The following SCN2A variants were observed in gnomAD, a reference collection of about 807,000 sequenced individuals.
SCN2A encodes sodium voltage-gated channel alpha subunit 2.
SCN2A carries 20 observed loss-of-function variants against 188.7 expected under a neutral mutation model. That is an observed-to-expected ratio of 0.11 (90% confidence interval 0.07 to 0.15). SCN2A has a LOEUF of 0.15. SCN2A is among the 10% of genes least tolerant of loss of function. The pLI is 1.00. For missense variants in SCN2A, 1,278 were observed against 2,445.0 expected (o/e 0.52, Z 10.07); for synonymous variants, 804 against 833.1 (o/e 0.97, Z 0.60).
intron 1 of SCN2A, among the ~76,000 whole-genome samples, chr2:165,255,062 A>G (rs185711427): frequency 9.2e-5 from 14 of 151,832 alleles, no homozygotes; most frequent in Admixed American, 5.9e-4. Flanking sequence ...TTTGTGATCT[A>G]ATTTGGTACT....
chr2:165,245,353 A>G (rs1221823726), intron 1 of SCN2A: 1 of 152,026 alleles, frequency 6.6e-6, no homozygotes, highest in African/African-American at 2.4e-5. Flanking sequence ...TTTGCTTGAC[A>G]CTTCTCTGTC....
At chr2:165,371,788 C>T (rs1397973808) in intron 20 of SCN2A, 1 of 152,074 alleles carries the variant, frequency 6.6e-6, no homozygotes, top group African/African-American at 2.4e-5. Context: ...AGTGACAAGA[C>T]CTGCTTGTTC....
rs1177851285 is a variant in SCN2A at position 165,344,388 on chromosome 2, T to G, written c.2563-167T>G. Among the ~76,000 whole-genome samples, 5 of 151,920 alleles carry G rather than the reference T, an allele frequency of 3.3e-5. 1 individual carries two copies. On this transcript the variant is annotated intron_variant, in intron 15 of 26. Transcript: ENST00000375437. Reference sequence around the variant, plus strand: ...ATAAAATTACAGATTTTTCCCTTCCTGTGTCCATGTGACTAACCTGCACAT... The same window carrying G: ...ATAAAATTACAGATTTTTCCCTTCCGGTGTCCATGTGACTAACCTGCACAT...
intron 1 of SCN2A, chr2:165,290,599 A>G (rs1391149198): frequency 2.9e-5 from 5 of 174,056 alleles, no homozygotes; most frequent in Admixed American, 6.5e-5. Flanking sequence ...CATTTCATAA[A>G]TTTGTTTATT....
intron 19 of SCN2A, among the ~76,000 whole-genome samples, chr2:165,368,557 C>T (rs1240303033): frequency 6.6e-6 from 1 of 152,176 alleles, no homozygotes; most frequent in East Asian, 1.9e-4. Context: ...CTTCTTCACA[C>T]TGATTCGCTA....
At chr2:165,313,281 A>G (rs1450847103) in intron 8 of SCN2A, among the ~76,000 whole-genome samples, 1 of 152,088 alleles carries the variant, frequency 6.6e-6, no homozygotes, top group Non-Finnish European at 1.5e-5. Flanking sequence ...CTGCCTCAAG[A>G]CATCCTCAGT....
chr2:165,332,282 G>A (rs894987816), intron 14 of SCN2A, among the ~76,000 whole-genome samples: 6 of 151,702 alleles, frequency 4.0e-5, no homozygotes, highest in Non-Finnish European at 7.4e-5. Context: ...TAAATAATAC[G>A]GTCTAAAGTA....
In SCN2A at chr2:165,389,860, G is replaced by T; in HGVS notation, c.*36G>T. 1 of 1,559,878 alleles carries T rather than the reference G, an allele frequency of 6.4e-7. No individual in the cohort carries two copies. Among genetic ancestry groups the T allele is most frequent in the Non-Finnish European group, 8.7e-7 (1 of 1,154,220 alleles). On this transcript the variant is annotated 3_prime_UTR_variant, in exon 27 of 27. Coordinates refer to ENST00000375437, the MANE Select transcript of SCN2A (RefSeq NM_001040142.2). The surrounding 1 kb of genome is among the most constrained non-coding windows in gnomAD (Gnocchi z 4.2). ...AGAATTTTCCATTTTGTGATCAATT[G>T]TTTACAGCCCGTGATGGTGATGTGT...
chr2:165,309,126 T>C (rs753150536), intron 5 of SCN2A: 1 of 1,604,242 alleles, frequency 6.2e-7, no homozygotes, highest in South Asian at 1.1e-5. Context: ...AAGACGTAGA[T>C]TTCCCTAAAT....
chr2:165,321,158 G>T (rs1698058059), intron 11 of SCN2A, among the ~76,000 whole-genome samples: 1 of 152,086 alleles, frequency 6.6e-6, no homozygotes, highest in Non-Finnish European at 1.5e-5. Flanking sequence ...TCTAGGACAG[G>T]GCCAAAATGC....
intron 1 of SCN2A, among the ~76,000 whole-genome samples, chr2:165,261,979 A>C (rs1388324096): frequency 6.6e-6 from 1 of 152,180 alleles, no homozygotes; most frequent in Non-Finnish European, 1.5e-5. Flanking sequence ...AAAAGGGTGC[A>C]ATACAAACTA....
chr2:165,366,520 G>A (rs1700732480), intron 18 of SCN2A, among the ~76,000 whole-genome samples: 1 of 151,706 alleles, frequency 6.6e-6, no homozygotes, highest in African/African-American at 2.4e-5. Context: ...ATCACTTGAG[G>A]TCAGGAGTTC....
chr2:165,278,467 A>G (rs1428403947), intron 1 of SCN2A, among the ~76,000 whole-genome samples: 2 of 152,278 alleles, frequency 1.3e-5, no homozygotes, highest in South Asian at 4.1e-4. Context: ...CAGATTTTGT[A>G]AGAACTCACT....
intron 16 of SCN2A, among the ~76,000 whole-genome samples, chr2:165,345,261 GTT>G: frequency 6.6e-6 from 1 of 152,148 alleles, no homozygotes; most frequent in Non-Finnish European, 1.5e-5. Context: ...TTCAGATTTG[GTT>G]TTCTACAAAT....
rs1272467934 is a variant in SCN2A, at chr2:165,390,026, T to TG, written c.*205dup. ...CAGTAAACTGGAGAAATAGTATCGA[T>TG]GGGAGGTTTCTATTTTCACAACCAG... On this transcript the variant is annotated 3_prime_UTR_variant, in exon 27 of 27. Transcript: ENST00000375437. 6.3e-6 allele frequency: 5 copies of TG among 787,910 alleles called. No homozygotes were observed. In the East Asian group the frequency reaches 1.5e-4, roughly 23 times the overall value. 48.8% of individuals were successfully genotyped at this position (787,910 alleles called of 1,614,324 possible). A position where few individuals can be genotyped will look rare whatever the true frequency, so the allele number is the denominator to read the frequency against.
At chr2:165,245,527 C>T (rs1693807410) in intron 1 of SCN2A, 3 of 152,340 alleles carry the variant, frequency 2.0e-5, no homozygotes, top group South Asian at 4.1e-4. Context: ...AACTGACTAA[C>T]ACACTATGTC....
intron 1 of SCN2A, among the ~76,000 whole-genome samples, chr2:165,282,897 CAT>C (rs1356660313): frequency 6.6e-6 from 1 of 152,104 alleles, no homozygotes; most frequent in Non-Finnish European, 1.5e-5. Flanking sequence ...GAGGTTATGA[CAT>C]AGTGTATGAG....
chr2:165,288,864 T>G (rs1217693400), intron 1 of SCN2A, among the ~76,000 whole-genome samples: 3 of 152,040 alleles, frequency 2.0e-5, no homozygotes, highest in Admixed American at 6.5e-5. Flanking sequence ...AGCTAGAATA[T>G]CTGAAAAATA....
chr2:165,380,421 G>T (rs1407650139), intron 23 of SCN2A, among the ~76,000 whole-genome samples, 171 bp from the exon 24 acceptor site: 1 of 151,714 alleles, frequency 6.6e-6, no homozygotes. Context: ...GAATAGTCTT[G>T]CAGAACTCTT....
Sources: allele counts gnomAD v4.1 joint callset (sites outside exome capture counted in the v4.1 genomes callset), GRCh38; gene constraint gnomAD v4.1.1; non-coding constraint Gnocchi (gnomAD v3.1); transcripts MANE v1.5; gene names NCBI Gene and HGNC (gene_info 2026-07-23, HGNC 2026-07-21).